Variants in RERE observed in about 807,000 individuals in gnomAD.
RERE encodes the protein arginine-glutamic acid dipeptide repeats protein.
A neutral mutation model predicts 146.1 loss-of-function variants in RERE; 40 were observed. The observed-to-expected ratio is 0.27, with a 90% CI of 0.21 to 0.36. RERE has a LOEUF of 0.36. RERE is among the 10% of genes least tolerant of loss of function. The probability of loss-of-function intolerance (pLI) is 1.00; values close to 1 mark genes in which losing one functional copy is unlikely to be tolerated. For synonymous variants in RERE, 1,003 were observed against 866.0 expected, an observed-to-expected ratio of 1.16 and a Z score of -2.78; for missense variants, 1,933 against 2,138.7, an observed-to-expected ratio of 0.90 and a Z score of 1.90.
chr1:8,434,121 A>T (rs1051140167), intron 11 of RERE, among the ~76,000 whole-genome samples: 34 of 152,008 alleles, frequency 2.2e-4, no homozygotes, highest in African/African-American at 7.5e-4. Context: ...TTATTCCATC[A>T]CCCCACCACT....
At chr1:8,562,778 T>G (rs946773201) in intron 4 of RERE, among the ~76,000 whole-genome samples, 8 of 152,158 alleles carry the variant, frequency 5.3e-5, no homozygotes, top group Non-Finnish European at 1.2e-4. Context: ...GTTTCTGGGC[T>G]AAATTATAGA....
At chr1:8,377,088 A>G (rs569375347) in intron 12 of RERE, among the ~76,000 whole-genome samples, 1 of 152,308 alleles carries the variant, frequency 6.6e-6, no homozygotes, top group South Asian at 2.1e-4. Flanking sequence ...TTAAAAATAA[A>G]TAAATAACAG....
intron 1 of RERE, among the ~76,000 whole-genome samples, chr1:8,772,601 C>T (rs1640974247): frequency 6.6e-6 from 1 of 151,760 alleles, no homozygotes; most frequent in South Asian, 2.1e-4. Flanking sequence ...ATGGTGAAAC[C>T]CCATCTCAAC....
intron 3 of RERE, among the ~76,000 whole-genome samples, chr1:8,619,696 C>A (rs1423936933): frequency 1.3e-5 from 2 of 152,248 alleles, no homozygotes; most frequent in Admixed American, 1.3e-4. Context: ...TGTTAGCATT[C>A]TCGGACTCCA....
chr1:8,602,739 C>T (rs1160249974), intron 4 of RERE, among the ~76,000 whole-genome samples: 1 of 152,116 alleles, frequency 6.6e-6, no homozygotes, highest in East Asian at 1.9e-4. Flanking sequence ...CTAGTATTGG[C>T]CAATCTTTCT....
chr1:8,671,809 T>A (rs563984795), intron 1 of RERE, among the ~76,000 whole-genome samples: 5 of 152,338 alleles, frequency 3.3e-5, no homozygotes, highest in Admixed American at 6.5e-5. Context: ...TACCACAATT[T>A]GAATCCGAAA....
At chr1:8,368,387 T>G (rs531587281) in intron 12 of RERE, among the ~76,000 whole-genome samples, 1 of 150,122 alleles carries the variant, frequency 6.7e-6, no homozygotes, top group African/African-American at 2.5e-5. Context: ...GACAGGAGAA[T>G]GGCGTGAACC....
intron 4 of RERE, among the ~76,000 whole-genome samples, chr1:8,602,329 T>C (rs925080474): frequency 2.0e-5 from 3 of 151,098 alleles, no homozygotes; most frequent in African/African-American, 7.3e-5. Flanking sequence ...AGGTGAACGC[T>C]GCAGTGAGCT....
chr1:8,360,141 G>A lies in RERE; in HGVS notation c.3366C>T (p.Asp1122=). The A allele has an allele frequency of 6.3e-7, 1 of 1,591,704 alleles. No individual in the cohort carries two copies. Residue 1122 remains aspartate, a synonymous_variant, in exon 18 of 23, where the codon GAC becomes GAT. Coordinates refer to ENST00000400908, the MANE Select transcript of RERE (RefSeq NM_001042681.2). The part of the protein sequence containing the change: ...RSPSPEPTVV[D]TPSHASQSAR... ...CTGACTGGCTGGCGTGACTGGGGGT[G>A]TCCACCACAGTGGGCTCCGGGGACG...
At chr1:8,648,534 T>C (rs1238215054) in intron 2 of RERE, among the ~76,000 whole-genome samples, 2 of 152,214 alleles carry the variant, frequency 1.3e-5, no homozygotes, top group Non-Finnish European at 2.9e-5. Context: ...ACCTGACCTA[T>C]AGTCATTTAC....
intron 12 of RERE, among the ~76,000 whole-genome samples, chr1:8,413,734 G>A (rs1042463358): frequency 2.0e-5 from 3 of 152,126 alleles, no homozygotes; most frequent in Non-Finnish European, 4.4e-5. Flanking sequence ...GGGAGGAGCA[G>A]AGGCAGCCCC....
At chr1:8,441,183 G>A (rs923579085) in intron 11 of RERE, among the ~76,000 whole-genome samples, 10 of 152,144 alleles carry the variant, frequency 6.6e-5, no homozygotes, top group Non-Finnish European at 1.3e-4. Context: ...CTATGGGGGC[G>A]TGGGTTTCCT....
At chr1:8,440,868 G>A (rs1345169395) in intron 11 of RERE, among the ~76,000 whole-genome samples, 1 of 151,350 alleles carries the variant, frequency 6.6e-6, no homozygotes, top group Non-Finnish European at 1.5e-5. Flanking sequence ...CTGCACTCCA[G>A]CCTCGGTGAC....
At chr1:8,527,183 G>C (rs1386099377) in intron 7 of RERE, among the ~76,000 whole-genome samples, 1 of 152,160 alleles carries the variant, frequency 6.6e-6, no homozygotes, top group Non-Finnish European at 1.5e-5. Context: ...TGCCGATAAT[G>C]TAATTTAGAA....
At chr1:8,596,079 G>A (rs1025139613) in intron 4 of RERE, among the ~76,000 whole-genome samples, 2 of 152,184 alleles carry the variant, frequency 1.3e-5, no homozygotes, top group East Asian at 1.9e-4. Context: ...ACTGAAACAC[G>A]GCTACACAGT....
In RERE at chr1:8,614,696, A is replaced by G. The variant is rs1251163023; in HGVS notation, c.397-10T>C. 2 of 1,605,602 alleles carry G rather than the reference A, an allele frequency of 1.2e-6. No individual in the cohort carries two copies. The highest frequency in any genetic ancestry group is 2.7e-5 in the African/African-American group (2 of 74,498). On this transcript the variant is annotated splice_polypyrimidine_tract_variant and intron_variant, in intron 3 of 22. Transcript: ENST00000400908. ...CCTGGGAGTTGTGGACCTAAAAAAG[A>G]AAACAGTTTTAAGTTAACGTGCCCA...
intron 7 of RERE, among the ~76,000 whole-genome samples, chr1:8,508,925 C>CT (rs1489138282): frequency 2.6e-5 from 4 of 151,906 alleles, no homozygotes; most frequent in Non-Finnish European, 5.9e-5. Flanking sequence ...CATCATCGTT[C>CT]TTTTTTTGAG....
At chr1:8,526,448 C>T (rs1645572370) in intron 7 of RERE, among the ~76,000 whole-genome samples, 2 of 152,022 alleles carry the variant, frequency 1.3e-5, no homozygotes, top group African/African-American at 4.8e-5. Context: ...TTAAGAGAAG[C>T]AACTTCACAA....
chr1:8,789,301 A>AAAAAATATATAT, intron 1 of RERE, among the ~76,000 whole-genome samples: 2 of 24,814 alleles, frequency 8.1e-5, no homozygotes, highest in African/African-American at 4.6e-4. Flanking sequence ...AAAAAAAAAA[A>AAAAAATATATAT]ATATATATAT....
Sources: gnomAD v4.1 joint callset for allele counts (sites outside exome capture counted in the v4.1 genomes callset) on GRCh38, gnomAD v4.1.1 for gene constraint, MANE v1.5 for transcripts, NCBI Gene and HGNC (gene_info 2026-07-23, HGNC 2026-07-21) for gene names.